ZNG1B: variants seen among roughly 807,000 people sequenced by gnomAD.
ZNG1B encodes the protein zinc-regulated GTPase metalloprotein activator 1B.
chr2:113,437,887 TCTGCGGATGAGGAGGAGGATC>T, the ZNG1B span: 1 of 1,611,762 alleles, frequency 6.2e-7, no homozygotes, highest in Non-Finnish European at 8.5e-7. Flanking sequence ...GGCTGTTGGA[TCTGCGGATGAGGAGGAGGATC>T]CTGCGGAGGA....
the ZNG1B span, among the ~76,000 whole-genome samples, chr2:113,482,461 ATGCTTTC>A: frequency 7.4e-6 from 1 of 135,178 alleles, no homozygotes; most frequent in East Asian, 2.2e-4. Flanking sequence ...TGAGGAAATC[ATGCTTTC>A]TAGCCTTTCC....
chr2:113,477,489 C>G, the ZNG1B span, among the ~76,000 whole-genome samples: 2 of 152,180 alleles, frequency 1.3e-5, no homozygotes, highest in African/African-American at 4.8e-5. Flanking sequence ...CTGCGTCTCT[C>G]ACGCTGGGAG....
chr2:113,461,719 TG>T, the ZNG1B span, among the ~76,000 whole-genome samples: 1 of 152,040 alleles, frequency 6.6e-6, no homozygotes, highest in Admixed American at 6.5e-5. Context: ...ATATTTATAG[TG>T]ATAAAGAAGA....
the ZNG1B span, chr2:113,437,838 C>A: frequency 1.7e-5 from 27 of 1,611,542 alleles, no homozygotes; most frequent in African/African-American, 3.3e-4. Context: ...CCCAGCGGTT[C>A]AGCTGAGGTA....
the ZNG1B span, chr2:113,462,350 A>G: frequency 9.3e-5 from 140 of 1,504,160 alleles, 1 homozygote; most frequent in Middle Eastern, 1.7e-3. Context: ...TGATGTATTA[A>G]TCTGCATGCG....
chr2:113,479,706 G>A, the ZNG1B span, among the ~76,000 whole-genome samples: 2 of 152,184 alleles, frequency 1.3e-5, no homozygotes, highest in East Asian at 3.9e-4. Context: ...GATTAGAACT[G>A]TATTTTTAAT....
the ZNG1B span, among the ~76,000 whole-genome samples, chr2:113,487,610 T>TA: frequency 6.6e-6 from 1 of 151,598 alleles, no homozygotes; most frequent in South Asian, 2.1e-4. Flanking sequence ...AGACACCTGA[T>TA]ATTAGTGGAT....
the ZNG1B span, chr2:113,462,441 T>A: frequency 1.3e-6 from 2 of 1,599,064 alleles, no homozygotes; most frequent in Non-Finnish European, 1.7e-6. Context: ...TTCTCATTAA[T>A]AAAACAGACT....
At chr2:113,474,644 C>G in the ZNG1B span, among the ~76,000 whole-genome samples, 7 of 138,834 alleles carry the variant, frequency 5.0e-5, no homozygotes, top group South Asian at 1.6e-3. Flanking sequence ...AAATTTCCCT[C>G]TATACACTGC....
At chr2:113,451,052 G>A in the ZNG1B span, among the ~76,000 whole-genome samples, 1 of 152,266 alleles carries the variant, frequency 6.6e-6, no homozygotes, top group Admixed American at 6.5e-5. Context: ...TTTGTTCTGA[G>A]CCCTAGAATG....
the ZNG1B span, among the ~76,000 whole-genome samples, chr2:113,459,546 A>G: frequency 6.6e-6 from 1 of 151,922 alleles, no homozygotes; most frequent in Non-Finnish European, 1.5e-5. Context: ...TTCAATTAAA[A>G]AAAAAAGTCC....
chr2:113,460,927 GTGAA>G, the ZNG1B span, among the ~76,000 whole-genome samples: 336 of 151,088 alleles, frequency 2.2e-3, no homozygotes, highest in Non-Finnish European at 3.8e-3. Flanking sequence ...GTAGCATAAA[GTGAA>G]TGCTGAACAC....
the ZNG1B span, among the ~76,000 whole-genome samples, chr2:113,438,834 C>A: frequency 4.0e-5 from 6 of 151,294 alleles, no homozygotes; most frequent in African/African-American, 4.9e-5. Flanking sequence ...ATACTGTTTC[C>A]GGGAAATAAT....
At chr2:113,437,839 A>T in the ZNG1B span, 1 of 1,611,588 alleles carries the variant, frequency 6.2e-7, no homozygotes. Context: ...CCAGCGGTTC[A>T]GCTGAGGTAG....
the ZNG1B span, among the ~76,000 whole-genome samples, chr2:113,462,171 A>G: frequency 6.6e-6 from 1 of 152,198 alleles, no homozygotes. Context: ...CGAATGGGTA[A>G]TGTGAAATCT....
chr2:113,443,059 C>G, the ZNG1B span, among the ~76,000 whole-genome samples: 9 of 151,458 alleles, frequency 5.9e-5, no homozygotes, highest in East Asian at 1.7e-3. Context: ...ACCTCCGCCT[C>G]CCGGGTTCAC....
At chr2:113,495,851 A>G in the ZNG1B span, 72 of 605,466 alleles carry the variant, frequency 1.2e-4, 6 homozygotes, top group Non-Finnish European at 1.6e-4. Context: ...AATATACTTT[A>G]AAATGGTATT....
chr2:113,443,054 C>T, the ZNG1B span, among the ~76,000 whole-genome samples: 9 of 150,284 alleles, frequency 6.0e-5, no homozygotes, highest in South Asian at 4.2e-4. Flanking sequence ...CTGCAACCTC[C>T]GCCTCCCGGG....
chr2:113,473,553 C>G, the ZNG1B span, among the ~76,000 whole-genome samples: 2 of 152,068 alleles, frequency 1.3e-5, no homozygotes, highest in East Asian at 3.9e-4. Context: ...GAGGGCATCC[C>G]TGTCTTGTGC....
Sources: allele counts gnomAD v4.1 joint callset (sites outside exome capture counted in the v4.1 genomes callset), GRCh38; gene constraint gnomAD v4.1.1; transcripts MANE v1.5; gene names NCBI Gene and HGNC (gene_info 2026-07-23, HGNC 2026-07-21).